LYRM4: variants seen among roughly 807,000 people sequenced by gnomAD.
LYRM4 encodes LYR motif containing 4.
In LYRM4, 9 loss-of-function variants were observed where a neutral mutation model predicts 11.7. The observed-to-expected ratio is 0.77, with a 90% CI of 0.46 to 1.34. The LOEUF (loss-of-function observed/expected upper bound fraction) is 1.34, where lower values mean the gene tolerates loss of function less well. LYRM4 is among the 40% of genes most tolerant of loss of function. The pLI, the probability that LYRM4 is intolerant of heterozygous loss-of-function variation, is 0.00. For missense variants in LYRM4, 133 were observed against 112.5 expected (o/e 1.18, Z -0.82); for synonymous variants, 42 against 40.4 (o/e 1.04, Z -0.15).
At chr6:5,215,381 C>T (rs754247371) in intron 2 of LYRM4, among the ~76,000 whole-genome samples, 1 of 152,162 alleles carries the variant, frequency 6.6e-6, no homozygotes, top group Non-Finnish European at 1.5e-5. Flanking sequence ...CATATAAATG[C>T]CACTCTCAAA....
intron 1 of LYRM4, among the ~76,000 whole-genome samples, chr6:5,241,224 GAAGT>G (rs1763859937): frequency 6.6e-6 from 1 of 152,188 alleles, no homozygotes; most frequent in Non-Finnish European, 1.5e-5. Context: ...TTTGTAAAAT[GAAGT>G]AAGAATCCTC....
At chr6:5,042,899 G>A in the LYRM4 span, 366 of 152,290 alleles carry the variant, frequency 2.4e-3, 1 homozygote, top group African/African-American at 8.5e-3. Context: ...CACACCTAAA[G>A]GAAAACCTGG....
chr6:5,135,767 A>C lies in LYRM4; in HGVS notation c.208-26276T>G, dbSNP rs967423140. Among the ~76,000 whole-genome samples the C allele has an allele frequency of 5.5e-4, 83 of 152,186 alleles. 1 individual carries two copies. Among genetic ancestry groups the C allele is most frequent in the Non-Finnish European group, 2.4e-4 (16 of 68,038 alleles). ...GTGTGTGTTAAATACACAAAACACA[A>C]CATTTATCATTTTATTCATTTTAAG... On this transcript the variant is annotated intron_variant, in intron 2 of 2. Coordinates refer to ENST00000330636, the MANE Select transcript of LYRM4 (RefSeq NM_020408.6).
At position 5,260,883 on chromosome 6, in the gene LYRM4, C is replaced by A. The variant is rs577174412; in HGVS notation, c.-150G>T. ...CGGGCCGGGCCTAAGCCTAAGCGGG[C>A]AGCCCTGCGGATCGCGGACGGCGCC... On this transcript the variant is annotated 5_prime_UTR_variant, in exon 1 of 3. Coordinates refer to ENST00000330636, the MANE Select transcript of LYRM4 (RefSeq NM_020408.6). The A allele has an allele frequency of 6.2e-5, 88 of 1,424,888 alleles. No individual in the cohort carries two copies. The Middle Eastern group carries it at 7.8e-4, about 13-fold the overall frequency. 88.3% of individuals were successfully genotyped at this position (1,424,888 alleles called of 1,614,324 possible).
the LYRM4 span, among the ~76,000 whole-genome samples, chr6:5,068,567 C>G: frequency 1.3e-5 from 2 of 152,120 alleles, no homozygotes; most frequent in African/African-American, 2.4e-5. The surrounding 1 kb of genome is among the most constrained non-coding windows in gnomAD (Gnocchi z 4.0). Flanking sequence ...CTTGGCTCTT[C>G]CACGCCGCAG....
intron 2 of LYRM4, among the ~76,000 whole-genome samples, chr6:5,213,751 G>C (rs1762106015): frequency 6.6e-6 from 1 of 152,116 alleles, no homozygotes; most frequent in Non-Finnish European, 1.5e-5. Flanking sequence ...ATGATCTCAG[G>C]GAACATACTT....
At chr6:5,130,227 T>C (rs1468905299) in intron 2 of LYRM4, among the ~76,000 whole-genome samples, 2 of 152,186 alleles carry the variant, frequency 1.3e-5, no homozygotes, top group Non-Finnish European at 2.9e-5. Flanking sequence ...GCTTTCCTCC[T>C]GGTGGACCAT....
the LYRM4 span, among the ~76,000 whole-genome samples, chr6:5,089,771 T>A: frequency 6.6e-6 from 1 of 152,232 alleles, no homozygotes; most frequent in African/African-American, 2.4e-5. Flanking sequence ...TAAAATATTT[T>A]AAACAGCCCA....
At chr6:5,102,659 T>G (rs1274442119), downstream of LYRM4, 1 of 152,254 alleles carries the variant, frequency 6.6e-6, no homozygotes, top group African/African-American at 2.4e-5. Context: ...AGGTATTTTC[T>G]TGCAGAAGCA....
chr6:5,039,068 T>TA, the LYRM4 span, among the ~76,000 whole-genome samples: 1 of 152,196 alleles, frequency 6.6e-6, no homozygotes, highest in South Asian at 2.1e-4. Context: ...GGTTGCCTGA[T>TA]ATCACTGGAA....
the LYRM4 span, chr6:5,085,154 G>C: frequency 0.91 from 307,649 of 337,326 alleles, 140,527 homozygotes; most frequent in African/African-American, 0.98. Context: ...GCATTCCACC[G>C]GAGCACTCGG....
chr6:5,137,943 T>C (rs763919289), intron 2 of LYRM4, among the ~76,000 whole-genome samples: 6 of 152,186 alleles, frequency 3.9e-5, no homozygotes, highest in Non-Finnish European at 7.3e-5. Flanking sequence ...CCAAGTCTTC[T>C]CACCCCTTTC....
intron 2 of LYRM4, among the ~76,000 whole-genome samples, chr6:5,185,272 C>G (rs1050264576): frequency 1.3e-5 from 2 of 152,206 alleles, no homozygotes; most frequent in East Asian, 1.9e-4. Context: ...GACCAAGCAT[C>G]TGCCCTGTGC....
the LYRM4 span, among the ~76,000 whole-genome samples, chr6:5,083,366 C>A: frequency 1.3e-5 from 2 of 152,200 alleles, no homozygotes; most frequent in Admixed American, 6.5e-5. Context: ...GGAAGACAGG[C>A]CGTGTGCGCC....
chr6:5,226,604 C>T (rs936719982), intron 1 of LYRM4, among the ~76,000 whole-genome samples: 9 of 152,012 alleles, frequency 5.9e-5, no homozygotes, highest in African/African-American at 1.2e-4. Context: ...CTCAAACTCC[C>T]GACCTCAGGT....
At chr6:5,187,622 G>T (rs1360191607) in intron 2 of LYRM4, among the ~76,000 whole-genome samples, 1 of 151,970 alleles carries the variant, frequency 6.6e-6, no homozygotes, top group Non-Finnish European at 1.5e-5. Flanking sequence ...GGGGCTGGGG[G>T]AGGGATAGCA....
chr6:5,214,556 AC>A (rs1314773947), intron 2 of LYRM4, among the ~76,000 whole-genome samples: 1 of 152,096 alleles, frequency 6.6e-6, no homozygotes, highest in African/African-American at 2.4e-5. Context: ...TGGAGAACAG[AC>A]CATGTGTGGG....
At chr6:5,055,343 C>T in the LYRM4 span, among the ~76,000 whole-genome samples, 1 of 152,172 alleles carries the variant, frequency 6.6e-6, no homozygotes, top group Non-Finnish European at 1.5e-5. The surrounding 1 kb of genome is among the most constrained non-coding windows in gnomAD (Gnocchi z 4.5). Context: ...GGTCCTTAAC[C>T]TTGGCAAAAT....
At chr6:5,046,571 G>A in the LYRM4 span, among the ~76,000 whole-genome samples, 6 of 152,288 alleles carry the variant, frequency 3.9e-5, 1 homozygote, top group East Asian at 7.7e-4. Context: ...CTTCAGCTGG[G>A]ACAGCTGGGA....
Sources: allele counts gnomAD v4.1 joint callset (sites outside exome capture counted in the v4.1 genomes callset), GRCh38; gene constraint gnomAD v4.1.1; non-coding constraint Gnocchi (gnomAD v3.1); transcripts MANE v1.5; gene names NCBI Gene and HGNC (gene_info 2026-07-23, HGNC 2026-07-21).